The following GTPBP10 variants were observed in gnomAD, a reference collection of about 807,000 sequenced individuals.
GTPBP10 encodes GTP binding protein 10.
In GTPBP10, 38 loss-of-function variants were observed where a neutral mutation model predicts 44.8. The observed-to-expected ratio is 0.85, with a 90% CI of 0.65 to 1.11. The LOEUF (loss-of-function observed/expected upper bound fraction) is 1.11. Ranked by LOEUF, GTPBP10 falls within the 50% of genes most tolerant of loss-of-function variation. The pLI is 0.00. For synonymous variants in GTPBP10, 152 were observed against 150.6 expected (o/e 1.01, Z -0.07); for missense variants, 462 against 453.7 (o/e 1.02, Z -0.17).
chr7:90,364,558 C>T (rs1254253770), intron 4 of GTPBP10, among the ~76,000 whole-genome samples: 1 of 152,186 alleles, frequency 6.6e-6, no homozygotes, highest in Non-Finnish European at 1.5e-5. Context: ...GGTTGCCTCC[C>T]AGTTAGGCTA....
chr7:90,355,952 C>G (rs1795890298), intron 4 of GTPBP10, among the ~76,000 whole-genome samples: 1 of 151,496 alleles, frequency 6.6e-6, no homozygotes, highest in South Asian at 2.1e-4. Context: ...TGCTCTCTCT[C>G]CCCCATCCCC....
intron 3 of GTPBP10, 27 bp downstream of exon 3, chr7:90,354,576 G>C: frequency 8.5e-7 from 1 of 1,173,076 alleles, no homozygotes; most frequent in Non-Finnish European, 1.2e-6. Flanking sequence ...TCCAAAAGTT[G>C]TAAAAATGTG....
chr7:90,372,380 G>C, intron 5 of GTPBP10, 152 bp downstream of exon 5: 1 of 553,670 alleles, frequency 1.8e-6, no homozygotes, highest in Non-Finnish European at 3.2e-6. Context: ...CCAAAGTGCA[G>C]TTGCATGATC....
At chr7:90,361,781 G>A (rs1218452620) in intron 4 of GTPBP10, among the ~76,000 whole-genome samples, 1 of 152,108 alleles carries the variant, frequency 6.6e-6, no homozygotes, top group South Asian at 2.1e-4. Context: ...TGGTTGGTAG[G>A]CTATTAATTA....
chr7:90,347,296 A>G (rs1795696424), intron 1 of GTPBP10, among the ~76,000 whole-genome samples: 1 of 152,146 alleles, frequency 6.6e-6, no homozygotes, highest in Non-Finnish European at 1.5e-5. Flanking sequence ...ATCTTATCCT[A>G]TCAGTAATGC....
intron 4 of GTPBP10, among the ~76,000 whole-genome samples, chr7:90,371,864 C>CT (rs370241758): frequency 3.3e-5 from 5 of 151,614 alleles, no homozygotes; most frequent in African/African-American, 1.2e-4. Flanking sequence ...AGGTGTTTTT[C>CT]TTTTTTTTCT....
At chr7:90,347,576 T>A (rs1434767923) in intron 1 of GTPBP10, 1 of 515,940 alleles carries the variant, frequency 1.9e-6, no homozygotes, top group East Asian at 1.5e-4. Flanking sequence ...TTTAAGAAAT[T>A]ACTCCTTAAG....
At chr7:90,378,511 C>T (rs974266660) in intron 8 of GTPBP10, among the ~76,000 whole-genome samples, 5 of 152,118 alleles carry the variant, frequency 3.3e-5, no homozygotes, top group Non-Finnish European at 4.4e-5. Flanking sequence ...GTTTTGTGAC[C>T]GGTAATCTTC....
chr7:90,367,680 A>C (rs1367730131), intron 4 of GTPBP10, among the ~76,000 whole-genome samples: 1 of 152,162 alleles, frequency 6.6e-6, no homozygotes, highest in Non-Finnish European at 1.5e-5. Flanking sequence ...GTGTCTTTGC[A>C]CATGAGATGG....
intron 9 of GTPBP10, chr7:90,383,723 A>G (rs939028261): frequency 6.6e-6 from 1 of 152,180 alleles, no homozygotes; most frequent in African/African-American, 2.4e-5. Context: ...TCCTATGGCA[A>G]TGGTGGTTTC....
At chr7:90,369,391 C>A (rs923073979) in intron 4 of GTPBP10, among the ~76,000 whole-genome samples, 1 of 152,150 alleles carries the variant, frequency 6.6e-6, no homozygotes, top group African/African-American at 2.4e-5. Context: ...TCTGATATGC[C>A]CTGCCCAGAG....
intron 1 of GTPBP10, among the ~76,000 whole-genome samples, chr7:90,349,216 T>G (rs565924493): frequency 3.3e-5 from 5 of 152,214 alleles, no homozygotes; most frequent in Non-Finnish European, 7.3e-5. Flanking sequence ...CATCTTCAAT[T>G]ATGTAAACTT....
chr7:90,385,141 T>C lies in GTPBP10; in HGVS notation c.1151T>C (p.Met384Thr), dbSNP rs764557944. The change falls in exon 10 of 10, where the codon ATG becomes ACG. Residue 384 changes from methionine (M) to threonine (T), a missense_variant. Met to Thr is a moderately conservative substitution (Grantham distance 81, BLOSUM62 -1). Transcript: ENST00000222511. ...PSKHAVTTSKMDII is the reference protein window; with the variant it reads ...PSKHAVTTSKTDII ...AAGCATGCTGTTACTACTTCCAAAA[T>C]GGATATAATTTAAATATATTAAAAA... The C allele has an allele frequency of 1.3e-6, 2 of 1,599,908 alleles. No homozygotes were observed. The highest frequency in any genetic ancestry group is 2.2e-5 in the South Asian group (2 of 89,190).
intron 7 of GTPBP10, 163 bp from the exon 8 acceptor site, chr7:90,377,971 A>G (rs1315392982): frequency 1.6e-6 from 1 of 619,932 alleles, no homozygotes; most frequent in African/African-American, 2.0e-5. Context: ...AATTAAAGTT[A>G]TCTTAACACC....
intron 4 of GTPBP10, among the ~76,000 whole-genome samples, chr7:90,367,706 T>C (rs7791473): frequency 0.49 from 74,588 of 151,994 alleles, 19,425 homozygotes; most frequent in African/African-American, 0.67. Context: ...CTGAGTACAG[T>C]ACACCAATGG....
chr7:90,372,187 G>A lies in GTPBP10; in HGVS notation c.497G>A (p.Ser166Asn). The A allele has an allele frequency of 6.2e-7, 1 of 1,607,394 alleles. No individual in the cohort carries two copies. Among genetic ancestry groups the A allele is most frequent in the Non-Finnish European group, 8.5e-7 (1 of 1,176,484 alleles). The change falls in exon 5 of 10, where the codon AGT becomes AAT. Residue 166 changes from serine to asparagine, a missense_variant. Transcript: ENST00000222511. ...AATGCTGGAAAATCCTCTTTGCTAA[G>A]TTGTGTTTCTCATGCAAAACCTGCA... is the stretch of plus-strand genomic sequence containing the variant. ...FPNAGKSSLL[S>N]CVSHAKPAIA...
chr7:90,385,900 A>G lies in GTPBP10; in HGVS notation c.*746A>G, dbSNP rs1387232557. ...GCGAAACCCCGTCTCTACTAAAAAT[A>G]TAAAAAATTAGCCAGGCATAGTGGC... On this transcript the variant is annotated 3_prime_UTR_variant, in exon 10 of 10. Coordinates refer to ENST00000222511, the MANE Select transcript of GTPBP10 (RefSeq NM_033107.4). 4 of 152,142 alleles carry G rather than the reference A, an allele frequency of 2.6e-5. No homozygotes were observed. 9.4% of individuals were successfully genotyped at this position (152,142 alleles called of 1,614,324 possible). A position where few individuals can be genotyped will look rare whatever the true frequency, so the allele number is the denominator to read the frequency against.
chr7:90,371,133 A>G, intron 4 of GTPBP10: 1 of 859,648 alleles, frequency 1.2e-6, no homozygotes, highest in East Asian at 1.2e-4. Flanking sequence ...GTTATTTTAA[A>G]AAAACAAATA....
chr7:90,378,904 T>C (rs17869236), intron 8 of GTPBP10, among the ~76,000 whole-genome samples: 1 of 152,236 alleles, frequency 6.6e-6, no homozygotes, highest in African/African-American at 2.4e-5. Flanking sequence ...GGTTTCACCA[T>C]GTTGGCCAGG....
Sources: allele counts gnomAD v4.1 joint callset (sites outside exome capture counted in the v4.1 genomes callset), GRCh38; gene constraint gnomAD v4.1.1; transcripts MANE v1.5; gene names NCBI Gene and HGNC (gene_info 2026-07-23, HGNC 2026-07-21).